TGM4: variants seen among roughly 807,000 people sequenced by gnomAD.
TGM4 encodes protein-glutamine gamma-glutamyltransferase 4.
In TGM4, 61 loss-of-function variants were observed where a neutral mutation model predicts 76.3. The ratio of observed to expected loss-of-function variants is 0.80; its 90% CI spans 0.65 to 0.99. The LOEUF (loss-of-function observed/expected upper bound fraction) is 0.99. Among genes scored for constraint, TGM4 ranks in the 50% least tolerant of loss-of-function variants. The pLI, the probability that TGM4 is intolerant of heterozygous loss-of-function variation, is 0.00. For missense variants in TGM4, 794 were observed against 843.2 expected (o/e 0.94, Z 0.72); for synonymous variants, 337 against 329.8 (o/e 1.02, Z -0.24).
chr3:44,880,138 T>G (rs1228002712), intron 1 of TGM4, among the ~76,000 whole-genome samples: 1 of 152,258 alleles, frequency 6.6e-6, no homozygotes, highest in Non-Finnish European at 1.5e-5. Flanking sequence ...GTATATTATC[T>G]GATTTCTTGG....
At chr3:44,876,738 A>C (rs1355249668) in intron 1 of TGM4, among the ~76,000 whole-genome samples, 5 of 152,170 alleles carry the variant, frequency 3.3e-5, no homozygotes, top group Non-Finnish European at 5.9e-5. Flanking sequence ...AAGAACAGTA[A>C]AACTGACTCC....
chr3:44,886,915 ACT>A (rs974290123), intron 2 of TGM4, among the ~76,000 whole-genome samples: 2 of 151,964 alleles, frequency 1.3e-5, no homozygotes, highest in African/African-American at 4.8e-5. Context: ...GGCGGGGCTG[ACT>A]CTGTCGGTGC....
At chr3:44,907,310 CAAAAAAA>C (rs3082589) in intron 10 of TGM4, 110 bp downstream of exon 10, 1,141 of 658,470 alleles carry the variant, frequency 1.7e-3, no homozygotes, top group South Asian at 3.8e-3. Flanking sequence ...CCATCCCTAC[CAAAAAAA>C]AAAAAAAAAA....
intron 9 of TGM4, among the ~76,000 whole-genome samples, chr3:44,905,882 C>T (rs892776576): frequency 6.6e-6 from 1 of 152,170 alleles, no homozygotes; most frequent in African/African-American, 2.4e-5. Flanking sequence ...ATTGAGGGCT[C>T]TTTCCATCCA....
At chr3:44,893,059 G>A (rs1038514826) in intron 4 of TGM4, among the ~76,000 whole-genome samples, 6 of 152,052 alleles carry the variant, frequency 3.9e-5, no homozygotes, top group African/African-American at 1.2e-4. Flanking sequence ...TCTTTTTAAC[G>A]AGTAGTCTAT....
intron 11 of TGM4, 61 bp downstream of exon 11, chr3:44,910,429 CCTCTT>C: frequency 6.4e-7 from 1 of 1,553,914 alleles, no homozygotes; most frequent in Non-Finnish European, 8.7e-7. Context: ...ATCTGAAATC[CCTCTT>C]CTCCTCTGTG....
chr3:44,910,184 C>T lies in TGM4; in HGVS notation c.1422C>T (p.His474=), dbSNP rs138016873. 5.6e-6 allele frequency: 9 copies of T among 1,614,088 alleles called. No individual in the cohort carries two copies. Among genetic ancestry groups the T allele is most frequent in the African/African-American group, 1.3e-5 (1 of 74,930 alleles). The part of the protein sequence containing the change: ...HRRPVKENFL[H]MSVQSDDVLL... The stretch of plus-strand genomic sequence containing the variant: ...GACCTGTAAAAGAGAACTTTCTTCA[C>T]ATGTCGGTACAATCAGATGATGTGC... The change falls in exon 11 of 14, where the codon CAC becomes CAT. Residue 474 remains histidine, a synonymous_variant. Coordinates refer to ENST00000296125, the MANE Select transcript of TGM4 (RefSeq NM_003241.4).
At chr3:44,895,020 G>T (rs1699761224) in intron 5 of TGM4, among the ~76,000 whole-genome samples, 1 of 152,164 alleles carries the variant, frequency 6.6e-6, no homozygotes, top group Non-Finnish European at 1.5e-5. Context: ...GGTGGGCCGG[G>T]CACGGTGGCT....
chr3:44,890,463 G>A (rs1699676255), intron 3 of TGM4, 140 bp from the exon 4 acceptor site: 4 of 1,230,000 alleles, frequency 3.3e-6, no homozygotes, highest in African/African-American at 1.5e-5. Flanking sequence ...GGCTGTCCAG[G>A]GTCCTGACCA....
chr3:44,913,673 C>CCAAA lies in TGM4; in HGVS notation c.2007_2010dup (p.Val671ThrfsTer6). On this transcript the variant is annotated frameshift_variant, in exon 14 of 14. Transcript: ENST00000296125. LOFTEE classifies it high-confidence loss of function. The stretch of plus-strand genomic sequence containing the variant: ...AAGAAATTTATCGTCAAGTTAAGTT[C>CCAAA]CAAACAAGTGAAAGAGATTAATGCT... 6.2e-7 allele frequency: 1 copy of CCAAA among 1,614,206 alleles called. No homozygotes were observed. Among genetic ancestry groups the CCAAA allele is most frequent in the Non-Finnish European group, 8.5e-7 (1 of 1,180,030 alleles).
rs1242192228 is a variant in TGM4, at chr3:44,890,719, C to A, written c.417C>A (p.Asn139Lys). The change falls in exon 4 of 14, where the codon AAC becomes AAA. Residue 139 changes from asparagine to lysine, a missense_variant. By Grantham distance (94) the Asn-to-Lys change is moderately conservative. Coordinates refer to ENST00000296125, the MANE Select transcript of TGM4 (RefSeq NM_003241.4). ...AAAACATCCTATACCTTCTCTTCAA[C>A]CCATGGTGTAAAGGTACTGTGAATC... is the stretch of plus-strand genomic sequence containing the variant. ...SEENILYLLF[N>K]PWCKEDMVFM... The A allele has an allele frequency of 5.6e-6, 9 of 1,613,968 alleles. No homozygotes were observed. Among genetic ancestry groups the A allele is most frequent in the Non-Finnish European group, 7.6e-6 (9 of 1,179,964 alleles).
intron 5 of TGM4, among the ~76,000 whole-genome samples, chr3:44,895,656 A>G (rs1575719930): frequency 6.6e-6 from 1 of 152,204 alleles, no homozygotes; most frequent in Admixed American, 6.5e-5. Flanking sequence ...AAATAAAAAT[A>G]AAAAGAATCT....
chr3:44,911,097 G>A lies in TGM4; in HGVS notation c.1746G>A (p.Thr582=), dbSNP rs111644737. The part of the protein sequence containing the change: ...SKEIMASEVF[T]SFQYPEFSIE... ...AAATCATGGCCTCTGAAGTATTCAC[G>A]TCTTTCCAGTACCCTGAGTTCTCTA... Residue 582 remains threonine, a synonymous_variant, in exon 12 of 14, where the codon ACG becomes ACA. Coordinates refer to ENST00000296125, the MANE Select transcript of TGM4 (RefSeq NM_003241.4). The A allele has an allele frequency of 4.6e-5, 74 of 1,614,030 alleles. No homozygotes were observed. The highest frequency in any genetic ancestry group is 4.2e-4 in the East Asian group (19 of 44,896).
chr3:44,880,543 G>T (rs538198662), intron 1 of TGM4, among the ~76,000 whole-genome samples: 1 of 152,166 alleles, frequency 6.6e-6, no homozygotes, highest in Non-Finnish European at 1.5e-5. Flanking sequence ...TGGACACTGG[G>T]GGGTGGGGGA....
At chr3:44,907,983 C>T (rs148069283) in intron 10 of TGM4, among the ~76,000 whole-genome samples, 10 of 152,204 alleles carry the variant, frequency 6.6e-5, no homozygotes, top group Admixed American at 2.0e-4. Context: ...GACTCATAGA[C>T]GAGGGAGCAA....
In TGM4 at chr3:44,890,626, C is replaced by T. The variant is rs767011041; in HGVS notation, c.324C>T (p.Ser108=). The part of the protein sequence containing the change: ...GKEVTVAVTS[S]PNAILGKYQL... ...AGGTCACAGTGGCTGTCACCAGTTCCCCCAATGCCATCCTGGGCAAGTACC... is the reference window on the plus strand; with the variant it reads ...AGGTCACAGTGGCTGTCACCAGTTCTCCCAATGCCATCCTGGGCAAGTACC... The change falls in exon 4 of 14, where the codon TCC becomes TCT. Residue 108 remains serine, a synonymous_variant. Transcript: ENST00000296125. 2.5e-6 allele frequency: 4 copies of T among 1,614,118 alleles called. No homozygotes were observed. In the South Asian group the frequency reaches 4.4e-5, roughly 18 times the overall value.
chr3:44,906,210 G>C (rs1699920225), intron 9 of TGM4, among the ~76,000 whole-genome samples: 1 of 152,144 alleles, frequency 6.6e-6, no homozygotes, highest in Admixed American at 6.5e-5. Flanking sequence ...GAGCCTGTGT[G>C]TTGAGGATTA....
rs1699890367 is a variant in TGM4, at chr3:44,904,055, G to A, written c.1075+68G>A. On this transcript the variant is annotated intron_variant, in intron 9 of 13. Coordinates refer to ENST00000296125, the MANE Select transcript of TGM4 (RefSeq NM_003241.4). Reference sequence around the variant, plus strand: ...CCTTACATGGCCCAGGGTTCTGTGGGTCTTGGGTATGCAGCCAAGCAGGTG... The same window carrying A: ...CCTTACATGGCCCAGGGTTCTGTGGATCTTGGGTATGCAGCCAAGCAGGTG... 2.8e-6 allele frequency: 4 copies of A among 1,415,284 alleles called. No homozygotes were observed. In the African/African-American group the frequency reaches 5.6e-5, roughly 20 times the overall value. 87.7% of individuals were successfully genotyped at this position (1,415,284 alleles called of 1,614,324 possible).
At chr3:44,887,999 A>G in intron 3 of TGM4, 1 of 577,664 alleles carries the variant, frequency 1.7e-6, no homozygotes, top group South Asian at 2.1e-5. Context: ...GCTGTGGCCA[A>G]ACCTCCTACA....
Sources: gnomAD v4.1 joint callset for allele counts (sites outside exome capture counted in the v4.1 genomes callset) on GRCh38, gnomAD v4.1.1 for gene constraint, MANE v1.5 for transcripts, NCBI Gene and HGNC (gene_info 2026-07-23, HGNC 2026-07-21) for gene names.